NBR1: variants seen among roughly 807,000 people sequenced by gnomAD.
NBR1 encodes NBR1 autophagy cargo receptor, also known as next to BRCA1 gene 1 protein.
In NBR1, 59 loss-of-function variants were observed where a neutral mutation model predicts 115.5. The ratio of observed to expected loss-of-function variants is 0.51; its 90% CI spans 0.41 to 0.63. The LOEUF (loss-of-function observed/expected upper bound fraction) is 0.63. NBR1 is among the 30% of genes least tolerant of loss of function. NBR1 has a pLI of 0.00. For synonymous variants in NBR1, 373 were observed against 414.7 expected (o/e 0.90, Z 1.22); for missense variants, 1,043 against 1,150.5 (o/e 0.91, Z 1.35).
chr17:43,184,906 T>C (rs1301481731), intron 5 of NBR1, among the ~76,000 whole-genome samples: 1 of 151,334 alleles, frequency 6.6e-6, no homozygotes, highest in African/African-American at 2.4e-5. Context: ...TTGGCTAACA[T>C]AGTGAAACCC....
At position 43,191,353 on chromosome 17, in the gene NBR1, T is replaced by TG; in HGVS notation, c.864-18dup. ...TTATTTGTGACTTTCTTTTAAGACTTGCTTTTATTATCTCACAGGCTCCAG... is the reference window on the plus strand; with the variant it reads ...TTATTTGTGACTTTCTTTTAAGACTTGGCTTTTATTATCTCACAGGCTCCAG... On this transcript the variant is annotated intron_variant, in intron 9 of 20. Transcript: ENST00000590996. 6.3e-7 allele frequency: 1 copy of TG among 1,579,212 alleles called. No individual in the cohort carries two copies.
intron 4 of NBR1, among the ~76,000 whole-genome samples, 175 bp from the exon 5 acceptor site, chr17:43,180,617 TATA>T (rs994596363): frequency 4.7e-4 from 71 of 152,340 alleles, no homozygotes; most frequent in Admixed American, 4.4e-3. Flanking sequence ...ATTATTTAAC[TATA>T]ATATGTTCCT....
At chr17:43,198,492 A>C (rs1326048418) in intron 16 of NBR1, among the ~76,000 whole-genome samples, 1 of 151,908 alleles carries the variant, frequency 6.6e-6, no homozygotes, top group East Asian at 1.9e-4. Flanking sequence ...ATTTCTACTA[A>C]AAATACAAAA....
intron 16 of NBR1, among the ~76,000 whole-genome samples, chr17:43,198,034 A>G (rs1032693910): frequency 6.6e-6 from 1 of 151,448 alleles, no homozygotes; most frequent in Non-Finnish European, 1.5e-5. Context: ...CATGCCAAGG[A>G]TTACATGCCT....
intron 3 of NBR1, among the ~76,000 whole-genome samples, 176 bp from the exon 4 acceptor site, chr17:43,179,218 G>A (rs1230070510): frequency 6.6e-6 from 1 of 152,180 alleles, no homozygotes; most frequent in Non-Finnish European, 1.5e-5. Context: ...AAATAAAGGA[G>A]GGCACAGTAG....
intron 18 of NBR1, among the ~76,000 whole-genome samples, chr17:43,202,179 G>A (rs1481000387): frequency 2.6e-4 from 31 of 117,954 alleles, no homozygotes; most frequent in South Asian, 5.8e-4. Flanking sequence ...GACTCCGTCT[G>A]AAAAAAAAAA....
At chr17:43,196,215 CT>C in intron 14 of NBR1, 1 of 317,424 alleles carries the variant, frequency 3.2e-6, no homozygotes, top group Non-Finnish European at 5.7e-6. Context: ...TACTTGTGTC[CT>C]TTTGTTCCTT....
In NBR1 at chr17:43,182,587, G is replaced by C. The variant is rs1363567559; in HGVS notation, c.207+1770G>C. 1.3e-5 allele frequency among the ~76,000 whole-genome samples: 2 copies of C among 150,624 alleles called. 1 individual carries two copies. The highest frequency in any genetic ancestry group is 1.3e-4 in the Admixed American group (2 of 15,182). ...AAGGCAGAGATGACAGCCACTTTTT[G>C]GACATGGAATGCTTTTTTTTTTGTT... On this transcript the variant is annotated intron_variant, in intron 5 of 20. Coordinates refer to ENST00000590996, the MANE Select transcript of NBR1 (RefSeq NM_005899.5).
intron 8 of NBR1, chr17:43,190,129 A>G (rs1027846821): frequency 3.0e-5 from 8 of 269,422 alleles, no homozygotes; most frequent in African/African-American, 2.0e-4. Flanking sequence ...GGTCTCTGTC[A>G]CCCAGGCTGG....
intron 5 of NBR1, among the ~76,000 whole-genome samples, chr17:43,181,164 G>T (rs200849408): frequency 1.3e-5 from 2 of 152,160 alleles, no homozygotes; most frequent in African/African-American, 4.8e-5. Context: ...GAGCCACTGC[G>T]TCTGGCCTAA....
intron 16 of NBR1, 99 bp from the exon 17 acceptor site, chr17:43,200,068 A>C: frequency 1.0e-6 from 1 of 997,048 alleles, no homozygotes. Flanking sequence ...TCTGGCTTTC[A>C]TAATTCTAGC....
Position 43,189,125 on chromosome 17 carries a change from T to G in NBR1, c.480+6T>G. On this transcript the variant is annotated splice_donor_region_variant and intron_variant, in intron 7 of 20. Coordinates refer to ENST00000590996, the MANE Select transcript of NBR1 (RefSeq NM_005899.5). Reference sequence around the variant, plus strand: ...TCACAAGCTACCTGGAGACGGTGAGTGTTCTGTCTCGCTTGGGTTTTAACT... The same window carrying G: ...TCACAAGCTACCTGGAGACGGTGAGGGTTCTGTCTCGCTTGGGTTTTAACT... 6.3e-7 allele frequency: 1 copy of G among 1,598,804 alleles called. No homozygotes were observed. The highest frequency in any genetic ancestry group is 1.1e-5 in the South Asian group (1 of 90,762).
In NBR1 at chr17:43,201,797, GCTTTTTCT is replaced by G. The variant is rs2057205007; in HGVS notation, c.2563+28_2563+35del. The stretch of plus-strand genomic sequence containing the variant: ...TCAGAGGAGGTAATGATCAGCCTAA[GCTTTTTCT>G]CTTTTTCTCTGCTCCTGTCTAATGG... On this transcript the variant is annotated intron_variant, in intron 18 of 20. Transcript: ENST00000590996. 1 of 1,416,136 alleles carries G rather than the reference GCTTTTTCT, an allele frequency of 7.1e-7. No homozygotes were observed. The highest frequency in any genetic ancestry group is 1.0e-6 in the Non-Finnish European group (1 of 1,001,706). The allele number at this position is 1,416,136 out of a possible 1,614,324, so 87.7% of individuals were successfully genotyped here. A position where few individuals can be genotyped will look rare whatever the true frequency, so the allele number is the denominator to read the frequency against.
In NBR1 at chr17:43,201,692, T is replaced by G. The variant is rs764871980; in HGVS notation, c.2475T>G (p.Ser825=). The G allele has an allele frequency of 6.3e-7, 1 of 1,595,598 alleles. No homozygotes were observed. The highest frequency in any genetic ancestry group is 8.6e-7 in the Non-Finnish European group (1 of 1,163,212). ...TATTGTGTCTTTCTGAAAGGAGCTC[T>G]CCTTGTGTACATCATCATGGTTCCC... ...VELPPSLPRS[S]PCVHHHGSPG... The change falls in exon 18 of 21, where the codon TCT becomes TCG. Residue 825 remains serine, a synonymous_variant. Transcript: ENST00000590996.
chr17:43,175,005 A>G (rs1444794627), intron 1 of NBR1, among the ~76,000 whole-genome samples: 1 of 151,550 alleles, frequency 6.6e-6, no homozygotes, highest in Non-Finnish European at 1.5e-5. Flanking sequence ...AGGCTGAGGC[A>G]GGAGAATGGC....
intron 9 of NBR1, 40 bp downstream of exon 9, chr17:43,190,816 C>G: frequency 6.5e-7 from 1 of 1,535,378 alleles, no homozygotes; most frequent in Non-Finnish European, 8.8e-7. Flanking sequence ...CTCTGATTGA[C>G]TTCTTGGTTC....
Position 43,197,061 on chromosome 17 carries a change from G to A in NBR1, c.1981G>A (p.Ala661Thr). 6.2e-7 allele frequency: 1 copy of A among 1,614,002 alleles called. No individual in the cohort carries two copies. The highest frequency in any genetic ancestry group is 8.5e-7 in the Non-Finnish European group (1 of 1,179,882). The change falls in exon 16 of 21, where the codon GCT (alanine) becomes ACT (threonine). Residue 661 changes from alanine to threonine, a missense_variant. Ala to Thr is a moderately conservative substitution (Grantham distance 58). Coordinates refer to ENST00000590996, the MANE Select transcript of NBR1 (RefSeq NM_005899.5). The part of the protein sequence containing the change: ...ETVIRSLTLD[A>T]APDHNPPCRQ... The stretch of plus-strand genomic sequence containing the variant: ...AGTAATCCGATCCCTTACCTTGGAT[G>A]CTGCCCCAGACCACAACCCTCCTTG...
At chr17:43,200,638 G>A (rs370532413) in intron 17 of NBR1, 30 bp downstream of exon 17, 49 of 1,557,298 alleles carry the variant, frequency 3.1e-5, no homozygotes, top group Non-Finnish European at 4.0e-5. Flanking sequence ...CAGCTGGGGT[G>A]TTCTTCAGAG....
rs2057082143 is a variant in NBR1, at chr17:43,196,955, A to G, written c.1875A>G (p.Ser625=). The G allele has an allele frequency of 4.3e-6, 7 of 1,614,028 alleles. No homozygotes were observed. Among genetic ancestry groups the G allele is most frequent in the Non-Finnish European group, 5.1e-6 (6 of 1,179,890 alleles). Residue 625 remains serine (S), a synonymous_variant, in exon 16 of 21, where the codon TCA becomes TCG. Transcript: ENST00000590996. The stretch of plus-strand genomic sequence containing the variant: ...TGTGTCTTTCAGATTCTATGGTGTC[A>G]GTAAAGAGGAAGGCTGAGAACATTG... ...GFKALPDSMV[S]VKRKAENIAS...
Sources: gnomAD v4.1 joint callset for allele counts (sites outside exome capture counted in the v4.1 genomes callset) on GRCh38, gnomAD v4.1.1 for gene constraint, MANE v1.5 for transcripts, NCBI Gene and HGNC (gene_info 2026-07-23, HGNC 2026-07-21) for gene names.